The following RPS6KA6 variants were observed in gnomAD, a reference collection of about 807,000 sequenced individuals.
The protein encoded by RPS6KA6 is ribosomal protein S6 kinase alpha-6.
In RPS6KA6, 27 loss-of-function variants were observed where a neutral mutation model predicts 65.4. The ratio of observed to expected loss-of-function variants is 0.41; its 90% CI spans 0.30 to 0.57. The LOEUF is 0.57. Among genes scored for constraint, RPS6KA6 ranks in the 20% least tolerant of loss-of-function variants. The pLI is 0.24. For synonymous variants in RPS6KA6, 190 were observed against 184.2 expected, an observed-to-expected ratio of 1.03 and a Z score of -0.26; for missense variants, 486 against 555.6, an observed-to-expected ratio of 0.87 and a Z score of 1.26.
chrX:84,169,664 T>C (rs2035649484), intron 1 of RPS6KA6, among the ~76,000 whole-genome samples: 1 of 111,369 alleles, frequency 9.0e-6, no homozygotes, highest in African/African-American at 3.3e-5. Flanking sequence ...TTTTCCTTAT[T>C]TGTGTGCACC....
intron 3 of RPS6KA6, among the ~76,000 whole-genome samples, chrX:84,151,140 G>GAT (rs1183777817): frequency 1.1e-5 from 1 of 92,608 alleles, no homozygotes; most frequent in African/African-American, 4.2e-5. Flanking sequence ...AGATATATAG[G>GAT]ATATATAGAT....
intron 1 of RPS6KA6, among the ~76,000 whole-genome samples, chrX:84,178,291 G>A (rs1046528346): frequency 1.8e-5 from 2 of 111,146 alleles, no homozygotes; most frequent in African/African-American, 6.5e-5. Flanking sequence ...AATGTTAGGG[G>A]TAATGTACAA....
In RPS6KA6 at chrX:84,152,193, C is replaced by A. The variant is rs186370859; in HGVS notation, c.258+3882G>T. 4.4e-3 allele frequency among the ~76,000 whole-genome samples: 490 copies of A among 110,755 alleles called. 4 individuals are homozygous for A. The highest frequency in any genetic ancestry group is 0.015 in the African/African-American group (466 of 30,485). ...TCTAGAGAAGTAACCTGTTTAACAC[C>A]TGATCTGTTTTTTCTTTTTTTTCAG... is the stretch of plus-strand genomic sequence containing the variant. On this transcript the variant is annotated intron_variant, in intron 3 of 21. Transcript: ENST00000262752.
chrX:84,151,040 T>TATATATATAGAGGATAG (rs749997118), intron 3 of RPS6KA6, among the ~76,000 whole-genome samples: 2 of 92,651 alleles, frequency 2.2e-5, no homozygotes, highest in African/African-American at 7.8e-5. Context: ...AGAGAGGATA[T>TATATATATAGAGGATAG]ATATATAGAG....
At chrX:84,102,286 T>C (rs12688819) in intron 17 of RPS6KA6, 88 bp from the exon 18 acceptor site, 29,950 of 510,878 alleles carry the variant, frequency 0.059, 1,085 homozygotes, top group East Asian at 0.26. Flanking sequence ...ATTAACTAAA[T>C]ATCTGAGAAA....
chrX:84,187,578 G>C lies in RPS6KA6; in HGVS notation c.81+241C>G, dbSNP rs758036876. ...AGTCACAACAACTCTGGCGTGGCCC[G>C]CCAGGCAGGCGCTCCGCCCAAGGCC... On this transcript the variant is annotated intron_variant, in intron 1 of 21. Coordinates refer to ENST00000262752, the MANE Select transcript of RPS6KA6 (RefSeq NM_014496.5). 38 of 305,781 alleles carry C rather than the reference G, an allele frequency of 1.2e-4. No individual in the cohort carries two copies. In the South Asian group the frequency reaches 3.8e-3, roughly 31 times the overall value. 25.2% of individuals were successfully genotyped at this position (305,781 alleles called of 1,213,427 possible).
intron 9 of RPS6KA6, among the ~76,000 whole-genome samples, chrX:84,119,599 T>C (rs920313488): frequency 2.7e-5 from 3 of 111,667 alleles, no homozygotes; most frequent in Non-Finnish European, 5.7e-5. Flanking sequence ...AAACTCATCA[T>C]TCTGAAATAT....
intron 12 of RPS6KA6, 130 bp from the exon 13 acceptor site, chrX:84,107,855 T>G: frequency 5.9e-6 from 2 of 337,689 alleles, no homozygotes; most frequent in Non-Finnish European, 5.2e-6. Flanking sequence ...TTCAGATAAC[T>G]GTTAACCAAA....
intron 20 of RPS6KA6, among the ~76,000 whole-genome samples, chrX:84,085,977 G>A (rs1165706494): frequency 9.0e-6 from 1 of 111,402 alleles, no homozygotes; most frequent in Non-Finnish European, 1.9e-5. Flanking sequence ...ATTCTCTGGT[G>A]GTTGTTTTTA....
Position 84,187,885 on chromosome X carries a change from A to C in RPS6KA6, c.15T>G (p.Ala5=). The C allele has an allele frequency of 8.4e-7, 1 of 1,196,553 alleles. No individual in the cohort carries two copies. The highest frequency in any genetic ancestry group is 1.1e-6 in the Non-Finnish European group (1 of 888,479). The change falls in exon 1 of 22, where the codon GCT becomes GCG. Residue 5 remains alanine (A), a synonymous_variant. Coordinates refer to ENST00000262752, the MANE Select transcript of RPS6KA6 (RefSeq NM_014496.5). ...CTCGGTCCCAGGGCTCGTCCTGAGG[A>C]GCGAATGGTAGCATCTCCCCTTCAG... is the stretch of plus-strand genomic sequence containing the variant. The part of the protein sequence containing the change: MLPF[A]PQDEPWDREM...
intron 12 of RPS6KA6, among the ~76,000 whole-genome samples, chrX:84,114,448 A>G (rs1434157914): frequency 9.0e-6 from 1 of 111,187 alleles, no homozygotes; most frequent in African/African-American, 3.3e-5. Context: ...TGATTGTGCC[A>G]CTGCATTCCA....
intron 8 of RPS6KA6, among the ~76,000 whole-genome samples, chrX:84,124,151 C>A (rs375037544): frequency 1.8e-5 from 2 of 111,386 alleles, no homozygotes; most frequent in East Asian, 5.7e-4. Flanking sequence ...CAACTCCCAG[C>A]GAATACCTGT....
intron 7 of RPS6KA6, 69 bp downstream of exon 7, chrX:84,135,035 C>G (rs1280796914): frequency 1.3e-6 from 1 of 767,437 alleles, no homozygotes; most frequent in Non-Finnish European, 2.0e-6. Context: ...TTTAAAAGAT[C>G]TAACAGAGTT....
intron 20 of RPS6KA6, among the ~76,000 whole-genome samples, chrX:84,066,232 G>A (rs1464337792): frequency 1.9e-5 from 2 of 103,809 alleles, no homozygotes; most frequent in Non-Finnish European, 3.9e-5. Flanking sequence ...TCGTAACCCA[G>A]TGGTGCCTGG....
At chrX:84,173,851 T>G (rs1385281037) in intron 1 of RPS6KA6, among the ~76,000 whole-genome samples, 1 of 111,577 alleles carries the variant, frequency 9.0e-6, no homozygotes, top group East Asian at 2.8e-4. Flanking sequence ...TATGTCATAC[T>G]GTTGTGGAAA....
chrX:84,158,416 C>CA (rs1356486503), intron 2 of RPS6KA6, among the ~76,000 whole-genome samples: 1 of 109,356 alleles, frequency 9.1e-6, no homozygotes, highest in Non-Finnish European at 1.9e-5. Context: ...GTCTACAAAA[C>CA]AAAAAATATA....
chrX:84,161,987 G>A (rs769199425), intron 2 of RPS6KA6, among the ~76,000 whole-genome samples: 12 of 111,106 alleles, frequency 1.1e-4, no homozygotes, highest in African/African-American at 3.9e-4. Context: ...AATACCAATG[G>A]ATCATAAACT....
chrX:84,179,207 A>G (rs1482078977), intron 1 of RPS6KA6, among the ~76,000 whole-genome samples: 10 of 111,197 alleles, frequency 9.0e-5, no homozygotes, highest in Admixed American at 8.6e-4. Context: ...TAAAATCACA[A>G]TTAGATACCC....
chrX:84,187,481 G>A (rs2035941305), intron 1 of RPS6KA6: 1 of 188,550 alleles, frequency 5.3e-6, no homozygotes, highest in South Asian at 2.4e-4. Context: ...GGAGAAAAAG[G>A]GACGCGCGGA....
Sources: allele counts gnomAD v4.1 joint callset (sites outside exome capture counted in the v4.1 genomes callset), GRCh38; gene constraint gnomAD v4.1.1; transcripts MANE v1.5; gene names NCBI Gene and HGNC (gene_info 2026-07-23, HGNC 2026-07-21).